The following STIM1 variants were observed in gnomAD, a reference collection of about 807,000 sequenced individuals.
STIM1 encodes the protein stromal interaction molecule 1.
In STIM1, 25 loss-of-function variants were observed where a neutral mutation model predicts 74.7. That is an observed-to-expected ratio of 0.33 (90% CI 0.24 to 0.47). The LOEUF (loss-of-function observed/expected upper bound fraction) is 0.47. Among genes scored for constraint, STIM1 ranks in the 20% least tolerant of loss-of-function variants. The pLI is 1.00. For missense variants in STIM1, 728 were observed against 920.8 expected, an observed-to-expected ratio of 0.79 and a Z score of 2.71; for synonymous variants, 328 against 348.8, an observed-to-expected ratio of 0.94 and a Z score of 0.66.
At chr11:4,089,004 G>A (rs1178360630) in intron 12 of STIM1, 5 of 395,516 alleles carry the variant, frequency 1.3e-5, no homozygotes, top group South Asian at 2.4e-5. Context: ...GGCCGAGAGC[G>A]GAGGACTGCT....
rs201491499 is a variant in STIM1 at position 4,092,337 on chromosome 11, T to G, written c.*539T>G. On this transcript the variant is annotated 3_prime_UTR_variant, in exon 13 of 13. Transcript: ENST00000526596. ...TGAAGTTTGTTCTTTGGTATTGATG[T>G]GGGTCAGAAGGAGCCTCATCCTAAT... 7 of 180,020 alleles carry G rather than the reference T, an allele frequency of 3.9e-5. No individual in the cohort carries two copies. The highest frequency in any genetic ancestry group is 1.1e-4 in the Admixed American group (2 of 18,722). 11.2% of individuals were successfully genotyped at this position (180,020 alleles called of 1,614,324 possible). A position where few individuals can be genotyped will look rare whatever the true frequency, so the allele number is the denominator to read the frequency against.
At chr11:3,981,665 A>G (rs751240842) in intron 2 of STIM1, among the ~76,000 whole-genome samples, 10 of 152,130 alleles carry the variant, frequency 6.6e-5, no homozygotes, top group Non-Finnish European at 1.2e-4. Context: ...TGGAGTTGCT[A>G]TAGTCTGGGC....
At chr11:3,923,277 C>T (rs1009167196) in intron 1 of STIM1, among the ~76,000 whole-genome samples, 11 of 151,574 alleles carry the variant, frequency 7.3e-5, no homozygotes, top group African/African-American at 2.7e-4. Flanking sequence ...TTTTTTCCTT[C>T]TGTGTATAAC....
intron 1 of STIM1, among the ~76,000 whole-genome samples, chr11:3,861,954 T>C (rs1385728276): frequency 2.6e-5 from 4 of 152,008 alleles, no homozygotes; most frequent in Non-Finnish European, 5.9e-5. Flanking sequence ...CATTGCTGAG[T>C]GGCTTTGTGG....
chr11:4,062,577 G>A (rs1225307204), intron 5 of STIM1, among the ~76,000 whole-genome samples: 1 of 152,196 alleles, frequency 6.6e-6, no homozygotes, highest in Non-Finnish European at 1.5e-5. Flanking sequence ...AGCCAAGATC[G>A]TGCCACTGCA....
intron 6 of STIM1, among the ~76,000 whole-genome samples, chr11:4,073,991 CT>C (rs2094422117): frequency 6.6e-6 from 1 of 152,116 alleles, no homozygotes; most frequent in Admixed American, 6.5e-5. Context: ...TTCCCTGGAT[CT>C]TTTTGTCAAG....
chr11:3,938,401 C>T (rs1367630467), intron 1 of STIM1, among the ~76,000 whole-genome samples: 3 of 152,132 alleles, frequency 2.0e-5, no homozygotes, highest in Non-Finnish European at 1.5e-5. Context: ...ACAAAATATC[C>T]TGTTGTATCC....
chr11:3,968,110 C>T (rs2093357338), intron 2 of STIM1, among the ~76,000 whole-genome samples: 1 of 152,144 alleles, frequency 6.6e-6, no homozygotes, highest in Admixed American at 6.5e-5. Context: ...AGTTTATACT[C>T]TATATGGGAA....
intron 1 of STIM1, among the ~76,000 whole-genome samples, chr11:3,888,750 C>T (rs993878639): frequency 6.6e-6 from 1 of 152,030 alleles, no homozygotes; most frequent in Admixed American, 6.6e-5. Flanking sequence ...CGGGGTTTCA[C>T]CATGTTGGCC....
intron 2 of STIM1, among the ~76,000 whole-genome samples, chr11:3,995,557 G>A (rs1393514956): frequency 1.3e-5 from 2 of 152,188 alleles, no homozygotes; most frequent in Non-Finnish European, 2.9e-5. Context: ...GCAATGCCCT[G>A]AGGCATAAAT....
At chr11:4,019,091 G>A (rs924195974) in intron 2 of STIM1, 99 of 181,810 alleles carry the variant, frequency 5.4e-4, no homozygotes, top group East Asian at 3.5e-4. Flanking sequence ...AGTACGTGAA[G>A]GATATAGGTT....
chr11:4,071,100 G>C (rs992519866), intron 6 of STIM1, among the ~76,000 whole-genome samples: 3 of 152,188 alleles, frequency 2.0e-5, no homozygotes, highest in Admixed American at 1.3e-4. Context: ...AGGTGTTAAG[G>C]TTGAGTGTAT....
intron 12 of STIM1, among the ~76,000 whole-genome samples, chr11:4,087,142 T>C (rs1226284246): frequency 6.6e-6 from 1 of 152,186 alleles, no homozygotes; most frequent in East Asian, 1.9e-4. Context: ...ATTAGTTATC[T>C]CACTTGGGCC....
At chr11:4,022,354 A>T (rs1000880118) in intron 2 of STIM1, among the ~76,000 whole-genome samples, 5 of 150,942 alleles carry the variant, frequency 3.3e-5, no homozygotes, top group Non-Finnish European at 7.4e-5. Context: ...AAAAAAAAAA[A>T]AAGAGAGAAG....
chr11:4,017,590 T>A (rs961243204), intron 2 of STIM1, among the ~76,000 whole-genome samples: 4 of 152,158 alleles, frequency 2.6e-5, no homozygotes, highest in African/African-American at 9.7e-5. Flanking sequence ...TGGGAGAAAA[T>A]CCCCTTCCTT....
intron 2 of STIM1, among the ~76,000 whole-genome samples, chr11:3,984,133 T>G (rs1170917897): frequency 6.6e-6 from 1 of 152,208 alleles, no homozygotes; most frequent in Non-Finnish European, 1.5e-5. Context: ...CCTAAAGTAC[T>G]GGGACTACAG....
chr11:3,957,502 C>A (rs918301991), intron 1 of STIM1, among the ~76,000 whole-genome samples: 5 of 152,114 alleles, frequency 3.3e-5, no homozygotes, highest in Admixed American at 6.5e-5. Context: ...TGCGATCCAC[C>A]TGCCTCAGCC....
chr11:3,973,723 A>G (rs1188983152), intron 2 of STIM1, among the ~76,000 whole-genome samples: 1 of 150,756 alleles, frequency 6.6e-6, no homozygotes, highest in Non-Finnish European at 1.5e-5. Context: ...ATATTTGTTT[A>G]TTTATTTTGA....
chr11:3,968,397 A>G (rs1254407530), intron 2 of STIM1, among the ~76,000 whole-genome samples: 2 of 152,174 alleles, frequency 1.3e-5, no homozygotes, highest in Non-Finnish European at 1.5e-5. Flanking sequence ...TTCAATAGTG[A>G]TGTAGTTATA....
Sources: gnomAD v4.1 joint callset for allele counts (sites outside exome capture counted in the v4.1 genomes callset) on GRCh38, gnomAD v4.1.1 for gene constraint, MANE v1.5 for transcripts, NCBI Gene and HGNC (gene_info 2026-07-23, HGNC 2026-07-21) for gene names.